The following SLC8A1 variants were observed in gnomAD, a reference collection of about 807,000 sequenced individuals.
SLC8A1 encodes solute carrier family 8 member A1.
SLC8A1 carries 18 observed loss-of-function variants against 68.3 expected under a neutral mutation model. The ratio of observed to expected loss-of-function variants is 0.26; its 90% CI spans 0.18 to 0.39. The LOEUF is 0.39. Ranked by LOEUF, SLC8A1 falls within the 10% of genes least tolerant of loss-of-function variation. The pLI is 1.00. For missense variants in SLC8A1, 985 were observed against 1,156.7 expected (o/e 0.85, Z 2.15); for synonymous variants, 475 against 415.5 (o/e 1.14, Z -1.74).
intron 2 of SLC8A1, among the ~76,000 whole-genome samples, chr2:40,307,150 CACACACACACACACACACACAAACACAT>C (rs1473544690): frequency 6.6e-6 from 1 of 150,604 alleles, no homozygotes; most frequent in Non-Finnish European, 1.5e-5. Context: ...GTGATATACA[CACACACACACACACACACACAAACACAT>C]ACACACACAC....
chr2:40,299,865 T>C (rs62150807), intron 2 of SLC8A1, among the ~76,000 whole-genome samples: 1 of 152,162 alleles, frequency 6.6e-6, no homozygotes, highest in Non-Finnish European at 1.5e-5. Context: ...TAGAGTTGTG[T>C]TGACAAAATA....
At chr2:40,404,098 G>A (rs965088150) in intron 2 of SLC8A1, among the ~76,000 whole-genome samples, 2 of 152,014 alleles carry the variant, frequency 1.3e-5, no homozygotes, top group African/African-American at 4.8e-5. Context: ...GTCTCACTAT[G>A]TTGACCAGGT....
intron 2 of SLC8A1, among the ~76,000 whole-genome samples, chr2:40,282,784 T>A (rs1359789763): frequency 6.6e-6 from 1 of 152,134 alleles, no homozygotes; most frequent in Non-Finnish European, 1.5e-5. Flanking sequence ...ATTAAAAGTA[T>A]CCAAATGCTG....
intron 1 of SLC8A1, among the ~76,000 whole-genome samples, chr2:40,484,691 A>G (rs1344809192): frequency 6.6e-6 from 1 of 152,206 alleles, no homozygotes; most frequent in Non-Finnish European, 1.5e-5. Context: ...AGCAAGGAAT[A>G]AGGAAAGGAG....
At chr2:40,346,426 A>G (rs994769268) in intron 2 of SLC8A1, among the ~76,000 whole-genome samples, 1 of 152,158 alleles carries the variant, frequency 6.6e-6, no homozygotes, top group African/African-American at 2.4e-5. Flanking sequence ...ATACTTAGTG[A>G]AATTAGCATC....
chr2:40,432,327 A>G (rs1698497271), intron 1 of SLC8A1, among the ~76,000 whole-genome samples: 1 of 151,358 alleles, frequency 6.6e-6, no homozygotes, highest in Non-Finnish European at 1.5e-5. Flanking sequence ...ACAAATATAA[A>G]TATCAGAAGG....
intron 2 of SLC8A1, among the ~76,000 whole-genome samples, chr2:40,200,227 T>TATAAATATATAA (rs2054018902): frequency 7.1e-5 from 2 of 28,142 alleles, no homozygotes; most frequent in African/African-American, 1.0e-4. Flanking sequence ...TATTTTTTTA[T>TATAAATATATAA]ATATATATAT....
At chr2:40,238,286 G>A (rs550841530) in intron 2 of SLC8A1, among the ~76,000 whole-genome samples, 3 of 152,238 alleles carry the variant, frequency 2.0e-5, no homozygotes, top group Non-Finnish European at 4.4e-5. Context: ...CTCCCAGCCA[G>A]GTGCGGGATA....
chr2:40,447,134 T>C (rs560323154), intron 1 of SLC8A1, among the ~76,000 whole-genome samples: 1 of 152,338 alleles, frequency 6.6e-6, no homozygotes, highest in South Asian at 2.1e-4. Flanking sequence ...TTCCTAGATC[T>C]ATTACATGTA....
chr2:40,510,159 G>A (rs535199128), intron 1 of SLC8A1, among the ~76,000 whole-genome samples: 6 of 151,950 alleles, frequency 3.9e-5, no homozygotes, highest in African/African-American at 4.8e-5. Context: ...ATTTTTTTAC[G>A]TAAGACTGCC....
intron 2 of SLC8A1, among the ~76,000 whole-genome samples, chr2:40,392,245 GAAGCAAGCAAGC>G (rs148095673): frequency 0.018 from 2,708 of 151,008 alleles, 27 homozygotes; most frequent in Non-Finnish European, 0.027. Flanking sequence ...AAAGAGAAAG[GAAGCAAGCAAGC>G]AAGCAAGCAA....
intron 6 of SLC8A1, among the ~76,000 whole-genome samples, chr2:40,158,760 G>A (rs1338465465): frequency 6.6e-6 from 1 of 152,112 alleles, no homozygotes; most frequent in Non-Finnish European, 1.5e-5. Context: ...AAGACATGTT[G>A]CCTCTCTCAG....
chr2:40,259,837 C>T (rs1173314458), intron 2 of SLC8A1, among the ~76,000 whole-genome samples: 1 of 152,088 alleles, frequency 6.6e-6, no homozygotes, highest in Non-Finnish European at 1.5e-5. Flanking sequence ...CTTTAATTTT[C>T]TCTTGGCCAT....
At chr2:40,429,573 C>G (rs1378722969) in exon 2 of SLC8A1, 1 of 1,613,682 alleles carries the variant, frequency 6.2e-7, no homozygotes, top group Non-Finnish European at 8.5e-7. Flanking sequence ...AGAAAGTAAG[C>G]AAACCTTCCC....
chr2:40,398,934 ATCTC>A lies in SLC8A1; in HGVS notation c.1808+29535_1808+29538del, dbSNP rs546902844. On this transcript the variant is annotated intron_variant, in intron 2 of 7. Coordinates refer to ENST00000406785, the Ensembl canonical transcript of SLC8A1. ...TGTGGCTTATCAAGAAACAGACTCT[ATCTC>A]TCTATTTATCTATCATCTATATATT... Among the ~76,000 whole-genome samples the A allele has an allele frequency of 6.6e-5, 10 of 152,306 alleles. No homozygotes were observed. The East Asian group carries it at 1.9e-3, about 29-fold the overall frequency.
intron 2 of SLC8A1, among the ~76,000 whole-genome samples, chr2:40,212,281 A>ATGTTTTTT (rs371395367): frequency 0.036 from 4,207 of 117,732 alleles, 435 homozygotes; most frequent in African/African-American, 0.048. Flanking sequence ...GAGATGCAAT[A>ATGTTTTTT]TCTTTTTTTT....
exon 8 of SLC8A1, chr2:40,101,791 C>G (rs903098837): frequency 3.3e-5 from 5 of 152,062 alleles, no homozygotes; most frequent in African/African-American, 4.8e-5. Context: ...TTTGAGCATG[C>G]ATCAGAACCA....
At position 40,302,031 on chromosome 2, in the gene SLC8A1, CTGTGTGTG is replaced by C. The variant is rs374407377; in HGVS notation, c.1809-124184_1809-124177del. Among the ~76,000 whole-genome samples the C allele has an allele frequency of 4.4e-3, 584 of 132,314 alleles. 5 individuals are homozygous for C. The highest frequency in any genetic ancestry group is 0.014 in the African/African-American group (491 of 34,968). 86.8% of individuals were successfully genotyped at this position (132,314 alleles called of 152,430 possible). On this transcript the variant is annotated intron_variant, in intron 2 of 7. Coordinates refer to ENST00000406785, the Ensembl canonical transcript of SLC8A1. ...GCACCTGCCACCACACCGGGCTAAT[CTGTGTGTG>C]TGTGTGTGTGTGTGTGTGTGTGTGT...
At chr2:40,120,730 C>T (rs1005353949) in intron 7 of SLC8A1, 1 of 152,136 alleles carries the variant, frequency 6.6e-6, no homozygotes, top group Non-Finnish European at 1.5e-5. Flanking sequence ...GAAGATACTA[C>T]CTTTGATCAA....
Sources: allele counts gnomAD v4.1 joint callset (sites outside exome capture counted in the v4.1 genomes callset), GRCh38; gene constraint gnomAD v4.1.1; transcripts MANE v1.5; gene names NCBI Gene and HGNC (gene_info 2026-07-23, HGNC 2026-07-21).